Variants in GLMN observed in about 807,000 individuals in gnomAD.
GLMN encodes the protein glomulin.
GLMN carries 75 observed loss-of-function variants against 87.8 expected under a neutral mutation model. That is an observed-to-expected ratio of 0.85 (90% confidence interval 0.71 to 1.04). The LOEUF (loss-of-function observed/expected upper bound fraction) is 1.04. GLMN is among the 50% of genes least tolerant of loss of function. The pLI is 0.00. For synonymous variants in GLMN, 206 were observed against 221.6 expected, an observed-to-expected ratio of 0.93 and a Z score of 0.63; for missense variants, 588 against 658.8, an observed-to-expected ratio of 0.89 and a Z score of 1.18.
chr1:92,293,344 A>G (rs912650509), intron 3 of GLMN, among the ~76,000 whole-genome samples: 7 of 152,198 alleles, frequency 4.6e-5, no homozygotes, highest in African/African-American at 1.7e-4. Flanking sequence ...AAACCCTCAT[A>G]TATTGTCGCG....
chr1:92,289,504 A>AT (rs971518603), intron 5 of GLMN, among the ~76,000 whole-genome samples: 3 of 151,996 alleles, frequency 2.0e-5, no homozygotes, highest in African/African-American at 4.8e-5. Context: ...GTATTATTAG[A>AT]TTTTTTTTCC....
At position 92,247,126 on chromosome 1, in the gene GLMN, T is replaced by C. The variant is rs774026444; in HGVS notation, c.1604A>G (p.Asp535Gly). 2 of 1,550,778 alleles carry C rather than the reference T, an allele frequency of 1.3e-6. No individual in the cohort carries two copies. The highest frequency in any genetic ancestry group is 3.3e-5 in the Admixed American group (2 of 59,948). ...TCCACTTACAGTTATAGAACAAAGA[T>C]CTTTAGATTTCTGGGCCTCTGTAAG... ...KNSQEAQKSK[D>G]LCSITVSGEE... The change falls in exon 18 of 19, where the codon GAT becomes GGT. Residue 535 changes from aspartate to glycine, a missense_variant. Coordinates refer to ENST00000370360, the MANE Select transcript of GLMN (RefSeq NM_053274.3).
At chr1:92,271,939 G>A (rs1193278893) in intron 7 of GLMN, among the ~76,000 whole-genome samples, 1 of 152,082 alleles carries the variant, frequency 6.6e-6, no homozygotes, top group Non-Finnish European at 1.5e-5. Context: ...TTTTAAAGGG[G>A]GTCCAGGCCT....
chr1:92,281,876 A>C (rs1648104593), intron 7 of GLMN, among the ~76,000 whole-genome samples: 1 of 152,222 alleles, frequency 6.6e-6, no homozygotes, highest in Non-Finnish European at 1.5e-5. Flanking sequence ...AGAGACAAAG[A>C]AGGCCACTAC....
the GLMN span, among the ~76,000 whole-genome samples, chr1:92,357,633 G>GT: frequency 6.6e-6 from 1 of 152,232 alleles, no homozygotes; most frequent in African/African-American, 2.4e-5. Flanking sequence ...CCAGGTTCAA[G>GT]TGATTCTTGT....
chr1:92,338,527 T>C, the GLMN span, among the ~76,000 whole-genome samples: 1 of 152,060 alleles, frequency 6.6e-6, no homozygotes, highest in Admixed American at 6.5e-5. Context: ...TAGATATACA[T>C]AGTATGGAAA....
chr1:92,339,143 G>C, the GLMN span, among the ~76,000 whole-genome samples: 2 of 152,022 alleles, frequency 1.3e-5, no homozygotes, highest in African/African-American at 4.8e-5. Flanking sequence ...GATCTAATTT[G>C]ATGTCTCTTT....
At chr1:92,340,326 GACA>G in the GLMN span, among the ~76,000 whole-genome samples, 1 of 152,174 alleles carries the variant, frequency 6.6e-6, no homozygotes, top group Non-Finnish European at 1.5e-5. Flanking sequence ...CCAGATTCTG[GACA>G]ACGTTGGCAG....
At chr1:92,317,178 T>A in the GLMN span, among the ~76,000 whole-genome samples, 1 of 152,170 alleles carries the variant, frequency 6.6e-6, no homozygotes, top group Non-Finnish European at 1.5e-5. Flanking sequence ...TAGGAAGTCA[T>A]TTAACCTCTC....
chr1:92,258,826 C>T (rs1232860124), intron 16 of GLMN, among the ~76,000 whole-genome samples: 2 of 151,916 alleles, frequency 1.3e-5, no homozygotes, highest in East Asian at 3.9e-4. Flanking sequence ...TACAGCAAAC[C>T]ACCATGGCAC....
chr1:92,246,741 A>C, intron 18 of GLMN, 95 bp from the exon 19 acceptor site: 1 of 761,390 alleles, frequency 1.3e-6, no homozygotes, highest in Non-Finnish European at 2.4e-6. Flanking sequence ...TAGCTTAGGA[A>C]TATTTAAGAC....
At chr1:92,277,392 G>A (rs566472867) in intron 7 of GLMN, among the ~76,000 whole-genome samples, 2 of 152,190 alleles carry the variant, frequency 1.3e-5, no homozygotes, top group South Asian at 4.2e-4. Flanking sequence ...CCACTTCCTG[G>A]GATATAACTC....
the GLMN span, among the ~76,000 whole-genome samples, chr1:92,357,092 C>CAT: frequency 1.1e-5 from 1 of 94,778 alleles, no homozygotes; most frequent in African/African-American, 6.7e-5. Flanking sequence ...AAAAGGATTA[C>CAT]ATACACACAC....
intron 7 of GLMN, among the ~76,000 whole-genome samples, chr1:92,274,436 C>T (rs1374835995): frequency 6.6e-6 from 1 of 152,136 alleles, no homozygotes; most frequent in Admixed American, 6.5e-5. Flanking sequence ...AGATAACATA[C>T]TGTCCTTTTC....
the GLMN span, among the ~76,000 whole-genome samples, chr1:92,338,608 A>G: frequency 2.6e-5 from 4 of 151,514 alleles, no homozygotes; most frequent in Non-Finnish European, 5.9e-5. Flanking sequence ...AAGTCGAGTG[A>G]GGGAAGATGA....
At chr1:92,321,174 C>CA in the GLMN span, among the ~76,000 whole-genome samples, 1 of 152,202 alleles carries the variant, frequency 6.6e-6, no homozygotes, top group African/African-American at 2.4e-5. Context: ...ACCTTAGTCA[C>CA]ATGGCGTTGA....
intron 16 of GLMN, among the ~76,000 whole-genome samples, chr1:92,257,882 G>A (rs971218470): frequency 2.0e-5 from 3 of 152,044 alleles, no homozygotes; most frequent in Non-Finnish European, 4.4e-5. Context: ...AACACCAAAA[G>A]AAATGGCAAC....
chr1:92,288,602 T>C (rs1412098249), intron 6 of GLMN, among the ~76,000 whole-genome samples: 1 of 151,968 alleles, frequency 6.6e-6, no homozygotes. Context: ...AATTTTTAAA[T>C]TTTTTTATAG....
In GLMN at chr1:92,262,475, T is replaced by A. The variant is rs111872459; in HGVS notation, c.1473+388A>T. 5.1e-3 allele frequency among the ~76,000 whole-genome samples: 774 copies of A among 152,344 alleles called. 1 individual carries two copies. The highest frequency in any genetic ancestry group is 0.018 in the African/African-American group (739 of 41,574). ...TTAGTGCTGAAAATGCTTCAATTTGTCATGTCTGATGAGGCAATATTAAAA... is the reference window on the plus strand; with the variant it reads ...TTAGTGCTGAAAATGCTTCAATTTGACATGTCTGATGAGGCAATATTAAAA... On this transcript the variant is annotated intron_variant, in intron 16 of 18. Coordinates refer to ENST00000370360, the MANE Select transcript of GLMN (RefSeq NM_053274.3).
Sources: gnomAD v4.1 joint callset for allele counts (sites outside exome capture counted in the v4.1 genomes callset) on GRCh38, gnomAD v4.1.1 for gene constraint, MANE v1.5 for transcripts, NCBI Gene and HGNC (gene_info 2026-07-23, HGNC 2026-07-21) for gene names.